EYS: variants seen among roughly 807,000 people sequenced by gnomAD.
EYS encodes EGF-like photoreceptor maintenance factor.
Under a neutral mutation model 282.1 loss-of-function variants are expected in EYS, and 250 were observed. The ratio of observed to expected loss-of-function variants is 0.89; its 90% confidence interval spans 0.80 to 0.98. The LOEUF is 0.98. Among genes scored for constraint, EYS ranks in the 50% least tolerant of loss-of-function variants. The pLI is 0.00. For missense variants in EYS, 4,016 were observed against 3,709.0 expected (o/e 1.08, Z -2.15); for synonymous variants, 1,355 against 1,282.9 (o/e 1.06, Z -1.20).
chr6:65,634,082 G>C (rs940864149), intron 2 of EYS, among the ~76,000 whole-genome samples: 1 of 152,188 alleles, frequency 6.6e-6, no homozygotes, highest in African/African-American at 2.4e-5. Flanking sequence ...TGACTGGCTT[G>C]GCTCTTCTTT....
chr6:64,616,651 A>G (rs1767284058), intron 24 of EYS, among the ~76,000 whole-genome samples: 1 of 151,980 alleles, frequency 6.6e-6, no homozygotes, highest in Non-Finnish European at 1.5e-5. Context: ...TTCTAGCTCC[A>G]TTTACACTTC....
chr6:63,835,881 T>A (rs1479282534), intron 36 of EYS, among the ~76,000 whole-genome samples: 1 of 152,108 alleles, frequency 6.6e-6, no homozygotes, highest in African/African-American at 2.4e-5. Context: ...TTAAAACTAC[T>A]GAAAGCCAAA....
intron 12 of EYS, among the ~76,000 whole-genome samples, chr6:65,097,442 C>T (rs1315721811): frequency 2.0e-5 from 3 of 150,722 alleles, no homozygotes; most frequent in African/African-American, 4.8e-5. Flanking sequence ...ATGCAAAATT[C>T]CTCTCAAAAT....
chr6:65,037,594 A>G (rs1772808448), intron 13 of EYS, among the ~76,000 whole-genome samples: 1 of 151,820 alleles, frequency 6.6e-6, no homozygotes, highest in African/African-American at 2.4e-5. Flanking sequence ...TTGTAACAAT[A>G]CGATATTTAT....
In EYS at chr6:65,571,295, G is replaced by A. The variant is rs145516338; in HGVS notation, c.-333+68483C>T. On this transcript the variant is annotated intron_variant, in intron 2 of 42. Coordinates refer to ENST00000503581, the MANE Select transcript of EYS (RefSeq NM_001142800.2). Reference sequence around the variant, plus strand: ...TATAAAAAGAGAAGGATATCTGAGAGGTAAGTTATGGCAAGGTGACCATGA... The same window carrying A: ...TATAAAAAGAGAAGGATATCTGAGAAGTAAGTTATGGCAAGGTGACCATGA... Among the ~76,000 whole-genome samples the A allele has an allele frequency of 1.3e-3, 193 of 151,978 alleles. 1 individual carries two copies. The highest frequency in any genetic ancestry group is 3.4e-3 in the Middle Eastern group (1 of 294).
chr6:64,634,095 T>C (rs1443906614), intron 22 of EYS, among the ~76,000 whole-genome samples: 4 of 152,188 alleles, frequency 2.6e-5, no homozygotes, highest in African/African-American at 9.6e-5. Context: ...GCAATTCTCC[T>C]GCCTCAGCCT....
chr6:63,799,831 G>A (rs1463961126), intron 37 of EYS, among the ~76,000 whole-genome samples: 2 of 152,218 alleles, frequency 1.3e-5, no homozygotes, highest in Non-Finnish European at 2.9e-5. Context: ...ATCCAAGTTT[G>A]TCAGAGAACA....
chr6:64,126,830 A>G (rs114955268), intron 31 of EYS, among the ~76,000 whole-genome samples: 2,092 of 151,800 alleles, frequency 0.014, 41 homozygotes, highest in African/African-American at 0.048. Flanking sequence ...CATATATTTA[A>G]ATACATATAT....
intron 26 of EYS, among the ~76,000 whole-genome samples, chr6:64,570,234 G>A (rs1419433372): frequency 6.6e-6 from 1 of 152,148 alleles, no homozygotes; most frequent in Non-Finnish European, 1.5e-5. Context: ...TTTCAGACAA[G>A]CAAATGCTGA....
chr6:64,068,608 TAACA>T (rs1356408270), intron 32 of EYS, among the ~76,000 whole-genome samples: 1 of 151,958 alleles, frequency 6.6e-6, no homozygotes, highest in Non-Finnish European at 1.5e-5. Context: ...TAAACATGTG[TAACA>T]AACCTGCAGT....
At chr6:65,205,580 T>C (rs1766014829) in intron 12 of EYS, among the ~76,000 whole-genome samples, 1 of 151,846 alleles carries the variant, frequency 6.6e-6, no homozygotes, top group Non-Finnish European at 1.5e-5. Context: ...AACATTCCAC[T>C]GAACAACCAG....
chr6:64,946,485 T>C (rs1378075989), intron 14 of EYS, among the ~76,000 whole-genome samples: 1 of 151,990 alleles, frequency 6.6e-6, no homozygotes, highest in African/African-American at 2.4e-5. Context: ...TTTCCTAGTA[T>C]TGGGCAAACA....
intron 33 of EYS, among the ~76,000 whole-genome samples, chr6:64,037,400 A>C (rs1278372984): frequency 2.0e-5 from 3 of 152,244 alleles, no homozygotes; most frequent in Non-Finnish European, 4.4e-5. Flanking sequence ...AACAAATTTC[A>C]TGAATATTAA....
chr6:64,933,446 G>A (rs568316597), intron 15 of EYS, among the ~76,000 whole-genome samples: 6 of 152,008 alleles, frequency 3.9e-5, no homozygotes, highest in South Asian at 2.1e-4. Context: ...ACCATTTCAC[G>A]CCAGTTAGAA....
At chr6:64,737,078 C>T (rs1310788873) in intron 22 of EYS, among the ~76,000 whole-genome samples, 2 of 152,078 alleles carry the variant, frequency 1.3e-5, no homozygotes, top group South Asian at 2.1e-4. Flanking sequence ...TTATTCATCC[C>T]TTTGAATCTA....
intron 11 of EYS, among the ~76,000 whole-genome samples, chr6:65,302,168 G>A (rs1175708985): frequency 6.6e-6 from 1 of 152,196 alleles, no homozygotes; most frequent in African/African-American, 2.4e-5. Flanking sequence ...TATTTGAATG[G>A]ACTTAATCTC....
chr6:63,753,885 T>G (rs1769409705), intron 41 of EYS, among the ~76,000 whole-genome samples: 2 of 152,250 alleles, frequency 1.3e-5, no homozygotes, highest in Non-Finnish European at 2.9e-5. Flanking sequence ...CATGCTTTTC[T>G]GAAGTGGTTC....
chr6:65,089,945 A>G (rs1330918761), intron 12 of EYS, among the ~76,000 whole-genome samples: 2 of 116,030 alleles, frequency 1.7e-5, no homozygotes, highest in Non-Finnish European at 3.6e-5. Context: ...CAAGAAAGCA[A>G]AAAAAAAAAA....
intron 29 of EYS, among the ~76,000 whole-genome samples, chr6:64,340,943 G>A (rs941214651): frequency 1.3e-5 from 2 of 151,478 alleles, no homozygotes; most frequent in African/African-American, 4.8e-5. Context: ...GACATAAATG[G>A]CCAACAAACA....
Sources: allele counts gnomAD v4.1 joint callset (sites outside exome capture counted in the v4.1 genomes callset), GRCh38; gene constraint gnomAD v4.1.1; transcripts MANE v1.5; gene names NCBI Gene and HGNC (gene_info 2026-07-23, HGNC 2026-07-21).